The following DOK5 variants were observed in gnomAD, a reference collection of about 807,000 sequenced individuals.
DOK5 encodes the protein docking protein 5.
A neutral mutation model predicts 43.3 loss-of-function variants in DOK5; 27 were observed. The observed-to-expected ratio is 0.62, with a 90% CI of 0.46 to 0.86. The LOEUF (loss-of-function observed/expected upper bound fraction) is 0.86, where lower values mean the gene tolerates loss of function less well. Ranked by LOEUF, DOK5 falls within the 40% of genes least tolerant of loss-of-function variation. The pLI is 0.00. For missense variants in DOK5, 373 were observed against 392.9 expected (o/e 0.95, Z 0.43); for synonymous variants, 146 against 140.1 (o/e 1.04, Z -0.30).
At chr20:54,604,468 C>A (rs1986402367) in intron 5 of DOK5, among the ~76,000 whole-genome samples, 1 of 152,012 alleles carries the variant, frequency 6.6e-6, no homozygotes, top group African/African-American at 2.4e-5. Context: ...ATGGCTCATG[C>A]AACCATGATA....
intron 7 of DOK5, among the ~76,000 whole-genome samples, chr20:54,645,416 C>A (rs1414437311): frequency 6.7e-6 from 1 of 150,178 alleles, no homozygotes; most frequent in Non-Finnish European, 1.5e-5. Context: ...CATGCCCGCT[C>A]TGAACCCTCA....
At position 54,643,518 on chromosome 20, in the gene DOK5, A is replaced by G. The variant is rs1282554379; in HGVS notation, c.796A>G (p.Ser266Gly). ...SLSTMVPLPRSAYWQHITRQH... is the reference protein window; with the variant it reads ...SLSTMVPLPRGAYWQHITRQH... ...GAGCACCATGGTGCCCCTGCCTCGC[A>G]GCGCCTACTGGCAGCACATCACACG... The change falls in exon 7 of 8, where the codon AGC (serine) becomes GGC (glycine). Residue 266 changes from serine (S) to glycine (G), a missense_variant. Ser to Gly is a moderately conservative substitution (Grantham distance 56). Coordinates refer to ENST00000262593, the MANE Select transcript of DOK5 (RefSeq NM_018431.5). The G allele has an allele frequency of 6.2e-7, 1 of 1,613,656 alleles. No individual in the cohort carries two copies. Among genetic ancestry groups the G allele is most frequent in the South Asian group, 1.1e-5 (1 of 91,088 alleles).
At chr20:54,607,996 CATTCCA>C (rs1986527651) in intron 5 of DOK5, among the ~76,000 whole-genome samples, 1 of 152,134 alleles carries the variant, frequency 6.6e-6, no homozygotes, top group South Asian at 2.1e-4. Context: ...ATAAATTAAG[CATTCCA>C]CCACTAGTAT....
At chr20:54,483,437 A>G (rs1448464066) in intron 1 of DOK5, among the ~76,000 whole-genome samples, 3 of 152,210 alleles carry the variant, frequency 2.0e-5, no homozygotes, top group Non-Finnish European at 4.4e-5. Context: ...TACAATCACC[A>G]TCCTCAAGGA....
chr20:54,636,825 G>A (rs938087027), intron 6 of DOK5, among the ~76,000 whole-genome samples: 8 of 152,038 alleles, frequency 5.3e-5, no homozygotes, highest in East Asian at 3.9e-4. Context: ...GGTTACAAAC[G>A]AACTCCCAAG....
chr20:54,596,764 A>T (rs945783450), intron 5 of DOK5, among the ~76,000 whole-genome samples: 1 of 152,208 alleles, frequency 6.6e-6, no homozygotes, highest in Non-Finnish European at 1.5e-5. Context: ...ACTGAAAAGA[A>T]ACTCATTGAC....
intron 1 of DOK5, among the ~76,000 whole-genome samples, chr20:54,531,873 A>C (rs1005716809): frequency 2.0e-5 from 3 of 152,232 alleles, no homozygotes; most frequent in African/African-American, 4.8e-5. Flanking sequence ...TCTGCCCCTC[A>C]TAGAATTTAC....
At chr20:54,478,742 C>T (rs1471011988) in intron 1 of DOK5, among the ~76,000 whole-genome samples, 2 of 152,104 alleles carry the variant, frequency 1.3e-5, no homozygotes, top group African/African-American at 4.8e-5. Context: ...CTAGTCTGTA[C>T]AATGAACACT....
chr20:54,524,983 T>G (rs975374362), intron 1 of DOK5, among the ~76,000 whole-genome samples: 10 of 152,230 alleles, frequency 6.6e-5, no homozygotes, highest in African/African-American at 2.4e-4. Flanking sequence ...GAACATTATT[T>G]GAGGGTGTTC....
intron 5 of DOK5, among the ~76,000 whole-genome samples, chr20:54,593,174 C>T (rs1453881418): frequency 6.6e-6 from 1 of 151,708 alleles, no homozygotes; most frequent in Non-Finnish European, 1.5e-5. Context: ...AGGAGAATGG[C>T]GTGAACCTGG....
At chr20:54,576,246 A>G (rs961825706) in intron 2 of DOK5, among the ~76,000 whole-genome samples, 4 of 152,162 alleles carry the variant, frequency 2.6e-5, no homozygotes, top group African/African-American at 9.6e-5. Flanking sequence ...ATGTTTCTAT[A>G]AGAGATACAT....
chr20:54,629,187 A>T (rs1385389838), intron 6 of DOK5, among the ~76,000 whole-genome samples: 2 of 152,218 alleles, frequency 1.3e-5, no homozygotes, highest in African/African-American at 4.8e-5. Context: ...ACCACAGTGT[A>T]TGAAGTGGGA....
At chr20:54,613,049 G>C (rs537673260) in intron 6 of DOK5, among the ~76,000 whole-genome samples, 5 of 152,174 alleles carry the variant, frequency 3.3e-5, no homozygotes, top group African/African-American at 1.2e-4. Context: ...TGTTATTACT[G>C]TTGTTAATAG....
intron 2 of DOK5, among the ~76,000 whole-genome samples, chr20:54,556,423 C>T (rs77335675): frequency 0.021 from 3,213 of 152,240 alleles, 109 homozygotes; most frequent in African/African-American, 0.074. Context: ...ATCCATGAAG[C>T]CAGTGATAGC....
intron 1 of DOK5, 76 bp from the exon 2 acceptor site, chr20:54,554,857 A>G: frequency 1.1e-6 from 1 of 924,386 alleles, no homozygotes; most frequent in Admixed American, 2.1e-5. Context: ...ACAGGTGAAA[A>G]CATCAAAAAG....
intron 1 of DOK5, among the ~76,000 whole-genome samples, chr20:54,522,281 TA>T (rs1983429772): frequency 6.6e-6 from 1 of 152,168 alleles, no homozygotes; most frequent in African/African-American, 2.4e-5. Flanking sequence ...GGGCGGCATT[TA>T]AAGCCATCCT....
At chr20:54,481,921 C>T (rs1217445204) in intron 1 of DOK5, among the ~76,000 whole-genome samples, 1 of 152,118 alleles carries the variant, frequency 6.6e-6, no homozygotes, top group Non-Finnish European at 1.5e-5. Flanking sequence ...CAGTAAAAAC[C>T]CAATTAATGT....
chr20:54,494,200 C>T (rs1173608757), intron 1 of DOK5, among the ~76,000 whole-genome samples: 1 of 152,208 alleles, frequency 6.6e-6, no homozygotes, highest in Non-Finnish European at 1.5e-5. Flanking sequence ...GAATTCCTCT[C>T]AGCTCTTCGC....
At chr20:54,612,654 C>G (rs1236957542) in intron 6 of DOK5, among the ~76,000 whole-genome samples, 1 of 152,112 alleles carries the variant, frequency 6.6e-6, no homozygotes, top group African/African-American at 2.4e-5. Context: ...CAAATCCAGA[C>G]CAGAAACCAT....
Sources: allele counts gnomAD v4.1 joint callset (sites outside exome capture counted in the v4.1 genomes callset), GRCh38; gene constraint gnomAD v4.1.1; transcripts MANE v1.5; gene names NCBI Gene and HGNC (gene_info 2026-07-23, HGNC 2026-07-21).